The following CPA6 variants were observed in gnomAD, a reference collection of about 807,000 sequenced individuals.
CPA6 encodes the protein carboxypeptidase B.
Under a neutral mutation model 63.3 loss-of-function variants are expected in CPA6, and 58 were observed. That is an observed-to-expected ratio of 0.92 (90% confidence interval 0.74 to 1.14). CPA6 has a LOEUF of 1.14. Among genes scored for constraint, CPA6 ranks in the 50% most tolerant of loss-of-function variants. The pLI is 0.00. For synonymous variants in CPA6, 185 were observed against 179.0 expected (o/e 1.03, Z -0.27); for missense variants, 565 against 526.6 (o/e 1.07, Z -0.71).
intron 1 of CPA6, among the ~76,000 whole-genome samples, chr8:67,731,101 T>C (rs1043494530): frequency 6.6e-6 from 1 of 152,256 alleles, no homozygotes; most frequent in African/African-American, 2.4e-5. Context: ...TTGGCGATAA[T>C]TCTACTTTAC....
At chr8:67,658,950 C>T (rs947841906) in intron 1 of CPA6, among the ~76,000 whole-genome samples, 10 of 152,174 alleles carry the variant, frequency 6.6e-5, no homozygotes, top group African/African-American at 2.4e-4. Flanking sequence ...TCTCTGATAT[C>T]ATCTTGCCCC....
intron 1 of CPA6, among the ~76,000 whole-genome samples, chr8:67,706,428 AC>A (rs1252351780): frequency 6.6e-6 from 1 of 152,220 alleles, no homozygotes; most frequent in African/African-American, 2.4e-5. Flanking sequence ...CACTGAAAGA[AC>A]AGTTTCACAT....
In CPA6 at chr8:67,437,343, G is replaced by C. The variant is rs552520216; in HGVS notation, c.839-3103C>G. Among the ~76,000 whole-genome samples, 103 of 152,184 alleles carry C rather than the reference G, an allele frequency of 6.8e-4. 2 individuals are homozygous for C. In the South Asian group the frequency reaches 0.01, roughly 15 times the overall value. On this transcript the variant is annotated intron_variant, in intron 8 of 10. Transcript: ENST00000297770. Reference sequence around the variant, plus strand: ...CCGGGAGGCGGAGCTTGTAGCGAGCGGAGCTTGCGCCACCGCACTCCAGCC... The same window carrying C: ...CCGGGAGGCGGAGCTTGTAGCGAGCCGAGCTTGCGCCACCGCACTCCAGCC...
At chr8:67,663,031 C>T (rs1009339686) in intron 1 of CPA6, among the ~76,000 whole-genome samples, 3 of 152,226 alleles carry the variant, frequency 2.0e-5, no homozygotes, top group African/African-American at 4.8e-5. Context: ...GTGACAGAGC[C>T]CATTTCCTGA....
intron 2 of CPA6, 93 bp from the exon 3 acceptor site, chr8:67,518,140 G>C (rs544886725): frequency 8.3e-7 from 1 of 1,206,586 alleles, no homozygotes; most frequent in Non-Finnish European, 1.1e-6. Flanking sequence ...TTTGCATATA[G>C]TAACACCAAA....
intron 1 of CPA6, among the ~76,000 whole-genome samples, chr8:67,634,179 AATT>A (rs36123716): frequency 0.065 from 9,039 of 139,796 alleles, 382 homozygotes; most frequent in Middle Eastern, 0.12. Flanking sequence ...CACTGGATTT[AATT>A]ATTATTATTA....
intron 8 of CPA6, among the ~76,000 whole-genome samples, chr8:67,441,891 A>G (rs1356386818): frequency 6.6e-6 from 1 of 152,176 alleles, no homozygotes; most frequent in African/African-American, 2.4e-5. Context: ...CTTACAGAGC[A>G]TGGGGATGGG....
At chr8:67,531,959 T>C (rs1812486131) in intron 2 of CPA6, among the ~76,000 whole-genome samples, 1 of 152,144 alleles carries the variant, frequency 6.6e-6, no homozygotes, top group African/African-American at 2.4e-5. Flanking sequence ...ATTAAAGAAG[T>C]CAGTGTAGAG....
At chr8:67,634,219 ATTTAT>A (rs1563370672) in intron 1 of CPA6, among the ~76,000 whole-genome samples, 1 of 102,264 alleles carries the variant, frequency 9.8e-6, no homozygotes, top group Non-Finnish European at 2.0e-5. Context: ...TATTATTATT[ATTTAT>A]TTGTTTTTTT....
chr8:67,622,478 T>C (rs1260809346), intron 2 of CPA6, among the ~76,000 whole-genome samples: 3 of 152,102 alleles, frequency 2.0e-5, no homozygotes, highest in African/African-American at 7.2e-5. Flanking sequence ...ACAACCACAA[T>C]TTGGGGATGG....
intron 2 of CPA6, among the ~76,000 whole-genome samples, chr8:67,594,153 G>T (rs1417777701): frequency 6.6e-6 from 1 of 152,082 alleles, no homozygotes; most frequent in Non-Finnish European, 1.5e-5. Flanking sequence ...AGCTTAGTTT[G>T]GCTGGATATG....
chr8:67,710,517 A>G (rs200155376), intron 1 of CPA6, among the ~76,000 whole-genome samples: 1 of 150,970 alleles, frequency 6.6e-6, no homozygotes, highest in African/African-American at 2.4e-5. Context: ...GCTATCTGGC[A>G]TGTGATGTTA....
rs559738249 is a variant in CPA6, at chr8:67,591,406, T to C, written c.192+32770A>G. On this transcript the variant is annotated intron_variant, in intron 2 of 10. Transcript: ENST00000297770. ...TTCCATATGAACTTTAAAGTAGTTT[T>C]TTCTAATTCTGTGAAGACAGTCATT... Among the ~76,000 whole-genome samples the C allele has an allele frequency of 7.9e-4, 120 of 152,302 alleles. 1 individual carries two copies. In the South Asian group the frequency reaches 0.024, roughly 31 times the overall value.
At chr8:67,496,024 TTC>T in intron 6 of CPA6, among the ~76,000 whole-genome samples, 1 of 152,324 alleles carries the variant, frequency 6.6e-6, no homozygotes, top group African/African-American at 2.4e-5. Flanking sequence ...CATTAATCTT[TTC>T]TCTTTCTTGG....
chr8:67,695,618 A>G (rs1816899554), intron 1 of CPA6, among the ~76,000 whole-genome samples: 1 of 152,220 alleles, frequency 6.6e-6, no homozygotes. Context: ...CAACTGGCTC[A>G]CGCTCATGGA....
Position 67,434,081 on chromosome 8 carries a change from G to A in CPA6, c.998C>T (p.Pro333Leu), listed in dbSNP as rs753122064. 1 of 1,613,608 alleles carries A rather than the reference G, an allele frequency of 6.2e-7. No homozygotes were observed. Among genetic ancestry groups the A allele is most frequent in the South Asian group, 1.1e-5 (1 of 91,044 alleles). Reference protein sequence around the residue: ...FHAYAQMLLYPYSYKYATIPN... With the variant: ...FHAYAQMLLYLYSYKYATIPN... Reference sequence around the variant, plus strand: ...AATTGTTGCATATTTGTAAGAATAGGGATACAGTAACATCTGAGCATATGC... The same window carrying A: ...AATTGTTGCATATTTGTAAGAATAGAGATACAGTAACATCTGAGCATATGC... The change falls in exon 9 of 11, where the codon CCC (proline) becomes CTC (leucine). Residue 333 changes from proline to leucine, a missense_variant. By Grantham distance (98) the Pro-to-Leu change is moderately conservative. Coordinates refer to ENST00000297770, the MANE Select transcript of CPA6 (RefSeq NM_020361.5).
chr8:67,473,585 C>T (rs1811110275), intron 8 of CPA6, among the ~76,000 whole-genome samples: 1 of 152,114 alleles, frequency 6.6e-6, no homozygotes, highest in Non-Finnish European at 1.5e-5. Flanking sequence ...TCCCCTATGG[C>T]TAGTTTTAAG....
rs754796419 is a variant in CPA6, at chr8:67,434,229, A to G, written c.850T>C (p.Ser284Pro). The G allele has an allele frequency of 6.2e-7, 1 of 1,613,752 alleles. No individual in the cohort carries two copies. Among genetic ancestry groups the G allele is most frequent in the East Asian group, 2.2e-5 (1 of 44,888 alleles). ...WKVKWCDEGA[S>P]MHPCDDTYCG... ...TATGTGTCATCACAAGGGTGCATAG[A>G]AGCTCCTTCATCTGCAAGTCAGAAA... The change falls in exon 9 of 11, where the codon TCT becomes CCT. Residue 284 changes from serine to proline, a missense_variant. Ser to Pro is a moderately conservative substitution (Grantham distance 74, BLOSUM62 -1). Coordinates refer to ENST00000297770, the MANE Select transcript of CPA6 (RefSeq NM_020361.5).
intron 1 of CPA6, among the ~76,000 whole-genome samples, chr8:67,726,544 A>T (rs1217386424): frequency 6.6e-6 from 1 of 152,200 alleles, no homozygotes; most frequent in East Asian, 1.9e-4. Context: ...GGAAAAATAC[A>T]TGTTATAGGG....
Sources: allele counts gnomAD v4.1 joint callset (sites outside exome capture counted in the v4.1 genomes callset), GRCh38; gene constraint gnomAD v4.1.1; transcripts MANE v1.5; gene names NCBI Gene and HGNC (gene_info 2026-07-23, HGNC 2026-07-21).